The following AP2A1 variants were observed in gnomAD, a reference collection of about 807,000 sequenced individuals.
AP2A1 encodes adaptor related protein complex 2 subunit alpha 1.
Under a neutral mutation model 107.3 loss-of-function variants are expected in AP2A1, and 21 were observed. The ratio of observed to expected loss-of-function variants is 0.20; its 90% CI spans 0.14 to 0.28. The LOEUF (loss-of-function observed/expected upper bound fraction) is 0.28, where lower values mean the gene tolerates loss of function less well. AP2A1 is among the 10% of genes least tolerant of loss of function. AP2A1 has a pLI of 1.00. For missense variants in AP2A1, 873 were observed against 1,307.7 expected (o/e 0.67, Z 5.13); for synonymous variants, 602 against 564.8 (o/e 1.07, Z -0.93).
Position 49,805,896 on chromosome 19 carries a change from C to G in AP2A1, c.2610C>G (p.Ile870Met). ...GCCCTCAACAGGAGGCGCAGAAAAT[C>G]TTCAAAGCCAACCACCCCATGGACG... is the stretch of plus-strand genomic sequence containing the variant. ...LSLPQQEAQK[I>M]FKANHPMDAE... The change falls in exon 21 of 23, where the codon ATC becomes ATG. Residue 870 changes from isoleucine to methionine, a missense_variant. By Grantham distance (10) the Ile-to-Met change is conservative. This residue lies in a region of AP2A1 where 416 missense variants were observed against 473.4 expected (regional missense o/e 0.88). Transcript: ENST00000354293. 1 of 1,613,870 alleles carries G rather than the reference C, an allele frequency of 6.2e-7. No individual in the cohort carries two copies. The highest frequency in any genetic ancestry group is 1.1e-5 in the South Asian group (1 of 91,086).
intron 7 of AP2A1, chr19:49,796,105 C>T (rs968861729): frequency 2.0e-5 from 5 of 250,242 alleles, no homozygotes; most frequent in East Asian, 1.0e-4. Context: ...GATTCCAGGC[C>T]GTGCTACCTG....
In AP2A1 at chr19:49,787,352, TTG is replaced by T. The variant is rs2084753386; in HGVS notation, c.474-4581_474-4580del. Among the ~76,000 whole-genome samples, 50 of 114,222 alleles carry T rather than the reference TTG, an allele frequency of 4.4e-4. 4 individuals are homozygous for T. The highest frequency in any genetic ancestry group is 2.6e-3 in the South Asian group (8 of 3,070). 74.9% of individuals were successfully genotyped at this position (114,222 alleles called of 152,430 possible). A position where few individuals can be genotyped will look rare whatever the true frequency, so the allele number is the denominator to read the frequency against. On this transcript the variant is annotated intron_variant, in intron 4 of 22. Transcript: ENST00000354293. The stretch of plus-strand genomic sequence containing the variant: ...TTTTTTTGTTTGTTTTTTTTGTTTT[TTG>T]TTTTTTTTTTTTTGAGGCAGTCTCT...
intron 1 of AP2A1, among the ~76,000 whole-genome samples, chr19:49,777,707 AG>A (rs2084630970): frequency 6.6e-6 from 1 of 151,900 alleles, no homozygotes; most frequent in Admixed American, 6.6e-5. Context: ...CGGGAGGCTG[AG>A]GTGGGCGGAG....
chr19:49,802,528 G>T, intron 15 of AP2A1: 2 of 1,605,106 alleles, frequency 1.2e-6, no homozygotes. Context: ...GGATTGGATG[G>T]CTCAGCGAGC....
At position 49,801,526 on chromosome 19, in the gene AP2A1, C is replaced by G; in HGVS notation, c.1690C>G (p.Arg564Gly). The G allele has an allele frequency of 6.2e-7, 1 of 1,613,586 alleles. No homozygotes were observed. Among genetic ancestry groups the G allele is most frequent in the Non-Finnish European group, 8.5e-7 (1 of 1,179,838 alleles). The change falls in exon 13 of 23, where the codon CGG becomes GGG. Residue 564 changes from arginine to glycine, a missense_variant. This residue lies in a region of AP2A1 where 213 missense variants were observed against 443.5 expected (regional missense o/e 0.48). Coordinates refer to ENST00000354293, the MANE Select transcript of AP2A1 (RefSeq NM_130787.3). ...CAAGGCCACCATCCAGGGCGTCCTG[C>G]GGGCCGGCTCCCAGCTGCGCAATGC... ...ETKATIQGVL[R>G]AGSQLRNADV...
At chr19:49,791,534 T>C (rs2073142508) in intron 4 of AP2A1, among the ~76,000 whole-genome samples, 1 of 152,066 alleles carries the variant, frequency 6.6e-6, no homozygotes, top group Admixed American at 6.5e-5. Context: ...GCCCTGACAG[T>C]ATTTGATGTA....
intron 12 of AP2A1, 28 bp from the exon 13 acceptor site, chr19:49,801,362 C>T (rs943882339): frequency 2.5e-6 from 4 of 1,594,334 alleles, no homozygotes; most frequent in South Asian, 2.2e-5. Context: ...TGGAACCTGG[C>T]CCCGCTGACA....
At position 49,800,615 on chromosome 19, in the gene AP2A1, C is replaced by T. The variant is rs1416140287; in HGVS notation, c.1456-346C>T. On this transcript the variant is annotated intron_variant, in intron 11 of 22. Transcript: ENST00000354293. ...TCCCCAGTAGCTGGTACTACAGGCA[C>T]GCGCCACCACACCCAGCTAATTTGT... The T allele has an allele frequency of 9.5e-5, 26 of 273,614 alleles. No homozygotes were observed. In the Admixed American group the frequency reaches 1.2e-3, roughly 12 times the overall value. The allele number at this position is 273,614 out of a possible 1,614,324, so 16.9% of individuals were successfully genotyped here.
chr19:49,794,653 A>T (rs2073188628), intron 6 of AP2A1, among the ~76,000 whole-genome samples: 1 of 151,972 alleles, frequency 6.6e-6, no homozygotes, highest in Non-Finnish European at 1.5e-5. Context: ...ATGAGGAAAA[A>T]AAGTCACATG....
intron 5 of AP2A1, 58 bp downstream of exon 5, chr19:49,792,122 C>T (rs1287203175): frequency 8.9e-6 from 14 of 1,568,500 alleles, no homozygotes; most frequent in Non-Finnish European, 1.2e-5. Context: ...AGCCCTGACC[C>T]CCCTGGATGC....
chr19:49,782,824 C>G, intron 4 of AP2A1, 100 bp downstream of exon 4: 1 of 1,354,512 alleles, frequency 7.4e-7, no homozygotes, highest in Admixed American at 2.5e-5. Flanking sequence ...CCAAGGTCTC[C>G]CAGCCGAGAT....
At chr19:49,775,243 A>G (rs1161290991) in intron 1 of AP2A1, among the ~76,000 whole-genome samples, 1 of 152,182 alleles carries the variant, frequency 6.6e-6, no homozygotes, top group Non-Finnish European at 1.5e-5. Context: ...ATTTTTTAAA[A>G]AAGCAAAATA....
At chr19:49,789,721 A>G (rs952715313) in intron 4 of AP2A1, among the ~76,000 whole-genome samples, 3 of 151,066 alleles carry the variant, frequency 2.0e-5, no homozygotes, top group Non-Finnish European at 4.4e-5. Context: ...GGTGTAAGCC[A>G]CCATGCCTGG....
intron 4 of AP2A1, 113 bp from the exon 5 acceptor site, chr19:49,791,822 G>T: frequency 7.2e-7 from 1 of 1,391,884 alleles, no homozygotes; most frequent in Non-Finnish European, 9.7e-7. Flanking sequence ...CTGGCTGTCT[G>T]TCCCTCTCGC....
chr19:49,779,897 C>T (rs2084656365), intron 1 of AP2A1, among the ~76,000 whole-genome samples: 1 of 152,180 alleles, frequency 6.6e-6, no homozygotes, highest in African/African-American at 2.4e-5. Flanking sequence ...TAGCACTGAT[C>T]AGGAGGTGCT....
chr19:49,799,225 TG>T, intron 8 of AP2A1, 101 bp from the exon 9 acceptor site: 2 of 1,387,250 alleles, frequency 1.4e-6, no homozygotes, highest in Non-Finnish European at 1.9e-6. Flanking sequence ...GGTTAAGACC[TG>T]GATCCTTGGG....
rs1281783431 is a variant in AP2A1 at position 49,801,456 on chromosome 19, G to A, written c.1620G>A (p.Leu540=). The part of the protein sequence containing the change: ...FHLCSVATRA[L]LLSTYIKFIN... ...TGTGCAGCGTGGCCACGCGGGCGCT[G>A]CTGCTGTCCACCTACATCAAGTTCA... Residue 540 remains leucine, a synonymous_variant, in exon 13 of 23, where the codon CTG becomes CTA. Coordinates refer to ENST00000354293, the MANE Select transcript of AP2A1 (RefSeq NM_130787.3). 9 of 1,613,742 alleles carry A rather than the reference G, an allele frequency of 5.6e-6. No homozygotes were observed. Among genetic ancestry groups the A allele is most frequent in the Non-Finnish European group, 7.6e-6 (9 of 1,179,866 alleles).
rs1286776339 is a variant in AP2A1 at position 49,782,744 on chromosome 19, T to C, written c.473+20T>C. The C allele has an allele frequency of 1.0e-5, 16 of 1,578,334 alleles. No homozygotes were observed. Among genetic ancestry groups the C allele is most frequent in the Non-Finnish European group, 1.2e-5 (14 of 1,166,162 alleles). ...GGCCGGGTAAGGCACTGGGGACCCG[T>C]TGGCAGTGGGGGGCCTGGGGGTGAT... On this transcript the variant is annotated intron_variant, in intron 4 of 22. Transcript: ENST00000354293.
intron 1 of AP2A1, among the ~76,000 whole-genome samples, chr19:49,780,188 C>T (rs558591911): frequency 6.6e-6 from 1 of 152,326 alleles, no homozygotes; most frequent in East Asian, 1.9e-4. Context: ...CCTCCTGATG[C>T]TTACAGTCTG....
Sources: gnomAD v4.1 joint callset for allele counts (sites outside exome capture counted in the v4.1 genomes callset) on GRCh38, gnomAD v4.1.1 for gene constraint, gnomAD v4.1.1 regional missense constraint, MANE v1.5 for transcripts, NCBI Gene and HGNC (gene_info 2026-07-23, HGNC 2026-07-21) for gene names.